The following CTNNA3 variants were observed in gnomAD, a reference collection of about 807,000 sequenced individuals.
The protein encoded by CTNNA3 is catenin alpha-3.
CTNNA3 carries 76 observed loss-of-function variants against 95.7 expected under a neutral mutation model. The observed-to-expected ratio is 0.79, with a 90% confidence interval of 0.66 to 0.96. The LOEUF is 0.96. Among genes scored for constraint, CTNNA3 ranks in the 40% least tolerant of loss-of-function variants. CTNNA3 has a pLI of 0.00. For synonymous variants in CTNNA3, 431 were observed against 374.4 expected (o/e 1.15, Z -1.74); for missense variants, 1,191 against 1,089.8 (o/e 1.09, Z -1.31).
intron 12 of CTNNA3, among the ~76,000 whole-genome samples, chr10:66,315,664 C>G (rs2092091221): frequency 6.6e-6 from 1 of 151,994 alleles, no homozygotes; most frequent in South Asian, 2.1e-4. Flanking sequence ...CCAGATGTTA[C>G]AGAGAAGGAT....
chr10:67,154,380 G>C (rs1387278598), intron 7 of CTNNA3, among the ~76,000 whole-genome samples: 1 of 152,110 alleles, frequency 6.6e-6, no homozygotes, highest in African/African-American at 2.4e-5. Context: ...TCAGAGAGGA[G>C]ATGGATAACA....
chr10:66,932,206 T>C (rs1248498044), intron 7 of CTNNA3, among the ~76,000 whole-genome samples: 2 of 152,228 alleles, frequency 1.3e-5, no homozygotes, highest in Non-Finnish European at 2.9e-5. Context: ...AATGAAATTA[T>C]GCTCTCCTTC....
intron 7 of CTNNA3, among the ~76,000 whole-genome samples, chr10:66,855,484 G>T (rs1397119802): frequency 6.6e-6 from 1 of 151,954 alleles, no homozygotes; most frequent in Non-Finnish European, 1.5e-5. Flanking sequence ...TGCTACACTA[G>T]TGAATGTCAC....
chr10:66,949,555 T>A (rs184125863), intron 7 of CTNNA3, among the ~76,000 whole-genome samples: 1 of 112,208 alleles, frequency 8.9e-6, no homozygotes, highest in African/African-American at 4.1e-5. Context: ...CAAAACTCCA[T>A]CTCAAAATAA....
intron 5 of CTNNA3, among the ~76,000 whole-genome samples, chr10:67,373,879 T>G (rs1843585315): frequency 6.6e-6 from 1 of 152,180 alleles, no homozygotes; most frequent in South Asian, 2.1e-4. Flanking sequence ...TCATATATAA[T>G]TTTTCTGATC....
At chr10:66,190,737 T>A (rs1479724931) in intron 13 of CTNNA3, among the ~76,000 whole-genome samples, 1 of 152,120 alleles carries the variant, frequency 6.6e-6, no homozygotes, top group Non-Finnish European at 1.5e-5. Context: ...CAGGATTTGA[T>A]TCTGAGCAGG....
chr10:66,312,944 C>T (rs2092044661), intron 12 of CTNNA3, among the ~76,000 whole-genome samples: 1 of 152,124 alleles, frequency 6.6e-6, no homozygotes, highest in South Asian at 2.1e-4. Flanking sequence ...GGAGCTCAAA[C>T]ACATTGCCTG....
intron 13 of CTNNA3, among the ~76,000 whole-genome samples, chr10:66,170,304 A>G (rs1463117998): frequency 6.9e-6 from 1 of 143,980 alleles, no homozygotes; most frequent in Admixed American, 7.3e-5. Context: ...AGACTTTGGA[A>G]CAACAGAAAT....
intron 10 of CTNNA3, among the ~76,000 whole-genome samples, chr10:66,523,459 T>A (rs541022110): frequency 6.6e-6 from 1 of 152,314 alleles, no homozygotes; most frequent in African/African-American, 2.4e-5. Flanking sequence ...TTCAGAAGAA[T>A]TCTTCTAACC....
At chr10:66,690,831 T>C (rs969513815) in intron 9 of CTNNA3, among the ~76,000 whole-genome samples, 5 of 152,166 alleles carry the variant, frequency 3.3e-5, no homozygotes, top group Non-Finnish European at 7.3e-5. Context: ...CCTTTGGGTA[T>C]GTACCCAGTA....
chr10:66,894,311 T>C (rs551875189), intron 7 of CTNNA3, among the ~76,000 whole-genome samples: 1 of 152,214 alleles, frequency 6.6e-6, no homozygotes, highest in South Asian at 2.1e-4. Flanking sequence ...CCATATTCTA[T>C]CCACTTTATC....
At chr10:66,042,977 G>C (rs1321607960) in intron 15 of CTNNA3, among the ~76,000 whole-genome samples, 1 of 142,302 alleles carries the variant, frequency 7.0e-6, no homozygotes, top group Non-Finnish European at 1.5e-5. Flanking sequence ...AGGACTATTA[G>C]AGAATAAGAT....
At chr10:66,057,558 TTTATA>T (rs2133559034) in intron 15 of CTNNA3, among the ~76,000 whole-genome samples, 1 of 152,316 alleles carries the variant, frequency 6.6e-6, no homozygotes, top group East Asian at 1.9e-4. Context: ...ATCAGTCTCC[TTTATA>T]TTAAAGCATT....
intron 7 of CTNNA3, among the ~76,000 whole-genome samples, chr10:67,110,551 T>C (rs1858868998): frequency 6.6e-6 from 1 of 152,120 alleles, no homozygotes; most frequent in South Asian, 2.1e-4. Context: ...CATCTGCTGA[T>C]TGAAAATTCC....
chr10:67,665,252 G>C (rs1006667341), intron 1 of CTNNA3, among the ~76,000 whole-genome samples: 1 of 152,124 alleles, frequency 6.6e-6, no homozygotes, highest in East Asian at 1.9e-4. Flanking sequence ...AAATGTGTAA[G>C]AGAACCACAT....
At chr10:67,097,737 G>C (rs751117205) in intron 7 of CTNNA3, 2 of 1,612,472 alleles carry the variant, frequency 1.2e-6, no homozygotes, top group Non-Finnish European at 1.7e-6. Context: ...GACTGAGCTG[G>C]ACCTGAGCAC....
intron 7 of CTNNA3, among the ~76,000 whole-genome samples, chr10:67,007,208 G>A (rs1852046949): frequency 6.6e-6 from 1 of 152,160 alleles, no homozygotes; most frequent in East Asian, 1.9e-4. Context: ...ATTCTTGGGT[G>A]TCAGTTCCTG....
intron 6 of CTNNA3, among the ~76,000 whole-genome samples, chr10:67,202,754 A>G (rs1863706392): frequency 6.6e-6 from 1 of 152,072 alleles, no homozygotes; most frequent in Non-Finnish European, 1.5e-5. Flanking sequence ...AGGTGGTAGA[A>G]AAAAAAGAAA....
At chr10:67,530,285 A>T (rs1256947299) in intron 4 of CTNNA3, among the ~76,000 whole-genome samples, 1 of 152,360 alleles carries the variant, frequency 6.6e-6, no homozygotes, top group South Asian at 2.1e-4. Context: ...TCAGAAGAAG[A>T]CATGAAAATG....
Sources: gnomAD v4.1 joint callset for allele counts (sites outside exome capture counted in the v4.1 genomes callset) on GRCh38, gnomAD v4.1.1 for gene constraint, MANE v1.5 for transcripts, NCBI Gene and HGNC (gene_info 2026-07-23, HGNC 2026-07-21) for gene names.